Variants in LTN1 observed in about 807,000 individuals in gnomAD.
The protein encoded by LTN1 is listerin E3 ubiquitin protein ligase 1, also known as E3 ubiquitin-protein ligase listerin.
In LTN1, 88 loss-of-function variants were observed where a neutral mutation model predicts 201.2. The ratio of observed to expected loss-of-function variants is 0.44; its 90% CI spans 0.37 to 0.52. LTN1 has a LOEUF of 0.52. Ranked by LOEUF, LTN1 falls within the 20% of genes least tolerant of loss-of-function variation. LTN1 has a pLI of 0.00. For missense variants in LTN1, 1,752 were observed against 2,038.7 expected, an observed-to-expected ratio of 0.86 and a Z score of 2.71; for synonymous variants, 645 against 713.5, an observed-to-expected ratio of 0.90 and a Z score of 1.53.
At chr21:28,955,984 T>C (rs2084422375) in intron 16 of LTN1, among the ~76,000 whole-genome samples, 1 of 147,322 alleles carries the variant, frequency 6.8e-6, no homozygotes, top group South Asian at 2.1e-4. Flanking sequence ...TGGATGAAAC[T>C]GGACATCATC....
At chr21:28,984,601 C>A in intron 4 of LTN1, 91 bp downstream of exon 4, 2 of 891,366 alleles carry the variant, frequency 2.2e-6, no homozygotes, top group Non-Finnish European at 3.4e-6. Flanking sequence ...ACTCATTCCC[C>A]TACAATCCCA....
rs1168963060 is a variant in LTN1 at position 28,967,330 on chromosome 21, G to C, written c.1312-151C>G. ...ATGGCTGGCAGCACCTGTATAGCAG[G>C]ATGGGGGCTGATCACCAGAAAGACC... is the stretch of plus-strand genomic sequence containing the variant. On this transcript the variant is annotated intron_variant, in intron 9 of 29. Transcript: ENST00000361371. The C allele has an allele frequency of 4.8e-6, 3 of 627,850 alleles. No individual in the cohort carries two copies. The African/African-American group carries it at 5.5e-5, about 12-fold the overall frequency. The allele number at this position is 627,850 out of a possible 1,614,324, so 38.9% of individuals were successfully genotyped here.
At chr21:28,944,296 A>T in intron 22 of LTN1, 87 bp downstream of exon 22, 1 of 991,824 alleles carries the variant, frequency 1.0e-6, no homozygotes, top group Non-Finnish European at 1.6e-6. Context: ...GTATTATTTG[A>T]TTTAAACATC....
chr21:28,948,693 T>C (rs911779932), intron 18 of LTN1, among the ~76,000 whole-genome samples: 1 of 152,198 alleles, frequency 6.6e-6, no homozygotes, highest in African/African-American at 2.4e-5. Context: ...ATATAAATTA[T>C]TCTGTTTTAA....
Position 28,946,274 on chromosome 21 carries a change from A to G in LTN1, c.3501T>C (p.His1167=). 13 of 1,577,316 alleles carry G rather than the reference A, an allele frequency of 8.2e-6. No homozygotes were observed. In the South Asian group the frequency reaches 1.4e-4, roughly 18 times the overall value. ...GCAGACAAGAATTGAAAATGGCAAGATGTCCAAAACCTCCTAAAGTAAAAT... is the reference window on the plus strand; with the variant it reads ...GCAGACAAGAATTGAAAATGGCAAGGTGTCCAAAACCTCCTAAAGTAAAAT... ...DLCSTNGGFG[H]LAIFNSCLQT... The change falls in exon 20 of 30, where the codon CAT becomes CAC. Residue 1167 remains histidine, a synonymous_variant. Transcript: ENST00000361371.
chr21:28,970,647 A>C lies in LTN1; in HGVS notation c.1080T>G (p.Tyr360Ter). 2 of 1,613,886 alleles carry C rather than the reference A, an allele frequency of 1.2e-6. No homozygotes were observed. Among genetic ancestry groups the C allele is most frequent in the Non-Finnish European group, 1.7e-6 (2 of 1,179,782 alleles). ...EGGRGLATVIYPYLLPFISKL... is the reference protein window; with the variant it reads ...EGGRGLATVI ...TGCTGATGAATGGCAGAAGGTAAGG[A>C]TATATGACAGTAGCTAGACCCCGAC... Residue 360 changes from tyrosine (Y) to a stop codon, truncating the protein, a stop_gained, in exon 8 of 30, where the codon TAT becomes TAG. Transcript: ENST00000361371. LOFTEE classifies it high-confidence loss of function.
chr21:28,950,936 G>C (rs565644045), intron 18 of LTN1, among the ~76,000 whole-genome samples: 1 of 152,194 alleles, frequency 6.6e-6, no homozygotes. Context: ...TATGGATAAC[G>C]CAAGGGATCC....
chr21:28,960,859 T>G, intron 11 of LTN1, 153 bp from the exon 12 acceptor site: 1 of 578,158 alleles, frequency 1.7e-6, no homozygotes, highest in South Asian at 2.2e-5. Flanking sequence ...AAGACTGGTA[T>G]CCTCCCTGTT....
chr21:28,941,120 A>C, intron 25 of LTN1, 100 bp downstream of exon 25: 1 of 797,000 alleles, frequency 1.3e-6, no homozygotes, highest in Non-Finnish European at 2.0e-6. Flanking sequence ...AGATTAAAAC[A>C]TAAGGATTTT....
Position 28,944,537 on chromosome 21 carries a change from G to C in LTN1, c.3828C>G (p.Val1276=), listed in dbSNP as rs1474219891. Residue 1276 remains valine, a synonymous_variant, in exon 22 of 30, where the codon GTC becomes GTG. Coordinates refer to ENST00000361371, the MANE Select transcript of LTN1 (RefSeq NM_015565.3). ...TGAGGTCACAGGCCAAATCACAGCT[G>C]ACACAGGCAAACAGTTGCACAAGTG... The part of the protein sequence containing the change: ...SIPLVQLFAC[V]SCDLACDLSA... The C allele has an allele frequency of 6.2e-7, 1 of 1,613,984 alleles. No individual in the cohort carries two copies. Among genetic ancestry groups the C allele is most frequent in the Non-Finnish European group, 8.5e-7 (1 of 1,179,944 alleles).
intron 25 of LTN1, among the ~76,000 whole-genome samples, chr21:28,937,190 G>A (rs945743040): frequency 6.6e-6 from 1 of 152,036 alleles, no homozygotes; most frequent in Non-Finnish European, 1.5e-5. Flanking sequence ...ACAGAAAAAC[G>A]AGCCACCAGT....
At chr21:28,944,195 GC>G (rs1424638877) in intron 22 of LTN1, among the ~76,000 whole-genome samples, 187 bp downstream of exon 22, 1 of 152,150 alleles carries the variant, frequency 6.6e-6, no homozygotes, top group Non-Finnish European at 1.5e-5. Context: ...TGGATACCTT[GC>G]CATTTTTCAA....
At chr21:28,979,094 A>G (rs1038654385) in intron 6 of LTN1, among the ~76,000 whole-genome samples, 2 of 152,282 alleles carry the variant, frequency 1.3e-5, no homozygotes, top group Non-Finnish European at 2.9e-5. Context: ...GTTATGTAGT[A>G]GCAGCTGAAT....
chr21:28,948,401 C>T (rs1568838739), intron 18 of LTN1, among the ~76,000 whole-genome samples: 1 of 150,490 alleles, frequency 6.6e-6, no homozygotes, highest in Non-Finnish European at 1.5e-5. Flanking sequence ...TCCCAAATAG[C>T]TCGGATTACA....
At chr21:28,981,328 A>T (rs577722390) in intron 5 of LTN1, 29 bp from the exon 6 acceptor site, 160 of 1,268,992 alleles carry the variant, frequency 1.3e-4, no homozygotes, top group Non-Finnish European at 3.7e-5. Flanking sequence ...AAATATATTT[A>T]AAAATTTAGA....
Position 28,947,499 on chromosome 21 carries a change from A to C in LTN1, c.3452T>G (p.Leu1151Trp), listed in dbSNP as rs751024507. Residue 1151 changes from leucine to tryptophan, a missense_variant, in exon 19 of 30, where the codon TTG (leucine) becomes TGG (tryptophan). Leu to Trp is a moderately conservative substitution (Grantham distance 61). Around this residue, in one of 3 missense-constraint regions of LTN1, gnomAD observed 1,211 missense variants for 1,312.8 expected, o/e 0.92. Coordinates refer to ENST00000361371, the MANE Select transcript of LTN1 (RefSeq NM_015565.3). ...EFSAQCIPALLGWTKKDLCST... is the reference protein window; with the variant it reads ...EFSAQCIPALWGWTKKDLCST... The stretch of plus-strand genomic sequence containing the variant: ...GCAAAGATCTTTCTTAGTCCAGCCC[A>C]AAAGAGCAGGTATACATTGAGCACT... 2.6e-6 allele frequency: 4 copies of C among 1,566,176 alleles called. No homozygotes were observed. Among genetic ancestry groups the C allele is most frequent in the East Asian group, 2.3e-5 (1 of 42,954 alleles).
intron 3 of LTN1, among the ~76,000 whole-genome samples, chr21:28,985,320 G>A (rs1341094960): frequency 3.3e-5 from 5 of 151,988 alleles, no homozygotes; most frequent in Non-Finnish European, 7.4e-5. Context: ...AATTAGCGGG[G>A]CATGGTGGCA....
At chr21:28,961,583 CTT>C (rs1240854169) in intron 11 of LTN1, 1 of 156,018 alleles carries the variant, frequency 6.4e-6, no homozygotes, top group African/African-American at 2.4e-5. Flanking sequence ...GCTTGGAAAA[CTT>C]TATCCTTTTA....
At chr21:28,978,337 T>C (rs2084632634) in intron 6 of LTN1, among the ~76,000 whole-genome samples, 1 of 152,078 alleles carries the variant, frequency 6.6e-6, no homozygotes, top group Non-Finnish European at 1.5e-5. Flanking sequence ...CAGCAATATA[T>C]AAGAACTTAA....
Sources: allele counts gnomAD v4.1 joint callset (sites outside exome capture counted in the v4.1 genomes callset), GRCh38; gene constraint gnomAD v4.1.1; regional missense constraint gnomAD v4.1.1; transcripts MANE v1.5; gene names NCBI Gene and HGNC (gene_info 2026-07-23, HGNC 2026-07-21).